Variants in ANXA10 observed in about 807,000 individuals in gnomAD.
ANXA10 encodes the protein annexin A10, also known as annexin 14.
A neutral mutation model predicts 53.5 loss-of-function variants in ANXA10; 49 were observed. That is an observed-to-expected ratio of 0.92 (90% confidence interval 0.73 to 1.16). The LOEUF is 1.16. Among genes scored for constraint, ANXA10 ranks in the 50% most tolerant of loss-of-function variants. The pLI, the probability that ANXA10 is intolerant of heterozygous loss-of-function variation, is 0.00. For missense variants in ANXA10, 393 were observed against 394.4 expected (o/e 1.00, Z 0.03); for synonymous variants, 131 against 128.9 (o/e 1.02, Z -0.11).
chr4:168,138,441 G>C lies in ANXA10; in HGVS notation c.101-1045G>C, dbSNP rs373931663. Among the ~76,000 whole-genome samples the C allele has an allele frequency of 3.3e-5, 5 of 152,066 alleles. No individual in the cohort carries two copies. The South Asian group carries it at 6.2e-4, about 19-fold the overall frequency. ...TATCCTTTGCCCACTTTTTAATGGA[G>C]TTATTTGTTTTCTCTTGTTCTTATT... On this transcript the variant is annotated intron_variant, in intron 2 of 11. Transcript: ENST00000359299.
At chr4:168,144,821 C>T (rs907745902) in intron 3 of ANXA10, among the ~76,000 whole-genome samples, 3 of 152,096 alleles carry the variant, frequency 2.0e-5, no homozygotes, top group African/African-American at 4.8e-5. Flanking sequence ...ACTAGGACAC[C>T]CTGAGGTTGG....
At chr4:168,131,170 T>G (rs1030737172) in intron 2 of ANXA10, among the ~76,000 whole-genome samples, 2 of 152,008 alleles carry the variant, frequency 1.3e-5, no homozygotes, top group African/African-American at 2.4e-5. Context: ...TTGAGTCATA[T>G]TTTTACTTTC....
At chr4:168,121,932 C>T (rs1158854969) in intron 1 of ANXA10, among the ~76,000 whole-genome samples, 1 of 152,170 alleles carries the variant, frequency 6.6e-6, no homozygotes, top group African/African-American at 2.4e-5. Context: ...CAACCTCCAC[C>T]TCCTGGGTTC....
chr4:168,144,870 A>G (rs1401244548), intron 3 of ANXA10, among the ~76,000 whole-genome samples: 1 of 152,190 alleles, frequency 6.6e-6, no homozygotes, highest in Non-Finnish European at 1.5e-5. Context: ...GCCCTGTGAC[A>G]AGACAGAGCT....
chr4:168,149,961 T>G (rs1445247051), intron 3 of ANXA10, among the ~76,000 whole-genome samples: 4 of 152,222 alleles, frequency 2.6e-5, no homozygotes, highest in Admixed American at 1.3e-4. Flanking sequence ...TGTGTTACAT[T>G]GCCCAGTAAA....
intron 3 of ANXA10, among the ~76,000 whole-genome samples, chr4:168,145,975 T>A (rs1310391052): frequency 6.6e-6 from 1 of 151,216 alleles, no homozygotes; most frequent in African/African-American, 2.4e-5. Context: ...CAGGCTGGAG[T>A]GCAGTGGCAT....
intron 3 of ANXA10, among the ~76,000 whole-genome samples, chr4:168,150,991 G>T (rs930609695): frequency 2.6e-5 from 4 of 152,148 alleles, no homozygotes; most frequent in Admixed American, 2.0e-4. Context: ...GTACCATAAG[G>T]TGTATTCTAA....
intron 2 of ANXA10, 40 bp from the exon 3 acceptor site, chr4:168,139,446 G>T: frequency 3.2e-6 from 5 of 1,560,480 alleles, no homozygotes; most frequent in Non-Finnish European, 4.4e-6. Flanking sequence ...CAACTACAAA[G>T]TAGCAACTTT....
chr4:168,153,981 T>TACACACAC (rs35992092), intron 3 of ANXA10, among the ~76,000 whole-genome samples: 10 of 149,332 alleles, frequency 6.7e-5, no homozygotes, highest in South Asian at 2.1e-4. Flanking sequence ...TAGCTATGTA[T>TACACACAC]ACACACACAC....
At chr4:168,111,687 G>C (rs955587572) in intron 1 of ANXA10, among the ~76,000 whole-genome samples, 1 of 152,126 alleles carries the variant, frequency 6.6e-6, no homozygotes, top group Non-Finnish European at 1.5e-5. Flanking sequence ...ATATGGAGGT[G>C]CTATTTAAAC....
intron 4 of ANXA10, among the ~76,000 whole-genome samples, chr4:168,163,010 T>A (rs1169632118): frequency 1.3e-5 from 2 of 152,228 alleles, no homozygotes; most frequent in African/African-American, 4.8e-5. Flanking sequence ...GTGAATCTTG[T>A]TACATTATTT....
rs942294049 is a variant in ANXA10, at chr4:168,123,956, T to C, written c.19-4128T>C. 1.5e-4 allele frequency among the ~76,000 whole-genome samples: 23 copies of C among 152,302 alleles called. No individual in the cohort carries two copies. The South Asian group carries it at 2.5e-3, about 16-fold the overall frequency. On this transcript the variant is annotated intron_variant, in intron 1 of 11. Coordinates refer to ENST00000359299, the MANE Select transcript of ANXA10 (RefSeq NM_007193.5). ...CTGGAGATCCAAATCCTTCTTCCTT[T>C]ACTTGCAAGAACAGTTCTATTTCCA... is the stretch of plus-strand genomic sequence containing the variant.
At chr4:168,146,314 A>G (rs10212746) in intron 3 of ANXA10, among the ~76,000 whole-genome samples, 3,432 of 152,340 alleles carry the variant, frequency 0.023, 132 homozygotes, top group African/African-American at 0.078. Flanking sequence ...GATGTGGCGG[A>G]AGTCAGCTGA....
chr4:168,129,406 T>A (rs367847917), intron 2 of ANXA10, among the ~76,000 whole-genome samples: 1 of 152,286 alleles, frequency 6.6e-6, no homozygotes. Context: ...CAGCAATCTG[T>A]TCACCAAAAA....
chr4:168,093,336 T>C (rs1466557703), intron 1 of ANXA10, among the ~76,000 whole-genome samples: 1 of 152,210 alleles, frequency 6.6e-6, no homozygotes, highest in Non-Finnish European at 1.5e-5. Flanking sequence ...AGTCTTTTTT[T>C]TGGCCTTGTC....
At chr4:168,121,056 TTCTA>T (rs1730977794) in intron 1 of ANXA10, among the ~76,000 whole-genome samples, 3 of 152,234 alleles carry the variant, frequency 2.0e-5, no homozygotes, top group East Asian at 3.9e-4. Flanking sequence ...TAAAAAGCAA[TTCTA>T]TCTTTTAAAA....
intron 6 of ANXA10, among the ~76,000 whole-genome samples, chr4:168,167,003 G>C (rs1028782261): frequency 2.6e-5 from 4 of 152,172 alleles, no homozygotes; most frequent in African/African-American, 9.6e-5. Context: ...TAGGTGAGGA[G>C]TTAGAATCAC....
At chr4:168,101,974 A>G (rs972225786) in intron 1 of ANXA10, among the ~76,000 whole-genome samples, 5 of 152,114 alleles carry the variant, frequency 3.3e-5, no homozygotes, top group African/African-American at 1.2e-4. Context: ...TAAGACTATC[A>G]ATATCTGAAA....
At chr4:168,157,559 C>T (rs1451488967) in intron 3 of ANXA10, among the ~76,000 whole-genome samples, 8 of 152,172 alleles carry the variant, frequency 5.3e-5, no homozygotes, top group Non-Finnish European at 1.0e-4. Flanking sequence ...CCACCACGCC[C>T]GGCCAGTATA....
Sources: allele counts gnomAD v4.1 joint callset (sites outside exome capture counted in the v4.1 genomes callset), GRCh38; gene constraint gnomAD v4.1.1; transcripts MANE v1.5; gene names NCBI Gene and HGNC (gene_info 2026-07-23, HGNC 2026-07-21).